CCDC124: variants seen among roughly 807,000 people sequenced by gnomAD.
The protein encoded by CCDC124 is coiled-coil domain-containing protein 124.
In CCDC124, 9 loss-of-function variants were observed where a neutral mutation model predicts 19.8. That is an observed-to-expected ratio of 0.45 (90% confidence interval 0.27 to 0.79). The LOEUF (loss-of-function observed/expected upper bound fraction) is 0.79. Among genes scored for constraint, CCDC124 ranks in the 30% least tolerant of loss-of-function variants. CCDC124 has a pLI of 0.14. For missense variants in CCDC124, 285 were observed against 319.0 expected (o/e 0.89, Z 0.81); for synonymous variants, 126 against 131.3 (o/e 0.96, Z 0.27).
chr19:17,937,538 G>A (rs996209214), intron 2 of CCDC124, among the ~76,000 whole-genome samples: 3 of 152,078 alleles, frequency 2.0e-5, no homozygotes, highest in Non-Finnish European at 2.9e-5. Flanking sequence ...GTCATAACTC[G>A]GGGAGAGGGG....
chr19:17,943,243 A>AGCCC lies in CCDC124; in HGVS notation c.350-18_350-17insGCCC. 1 of 430,552 alleles carries AGCCC rather than the reference A, an allele frequency of 2.3e-6. No homozygotes were observed. 26.7% of individuals were successfully genotyped at this position (430,552 alleles called of 1,614,324 possible). ...TTGCTTATCTCTCTCTGTCTCTGTC[A>AGCCC]CCCACCCACCCGCCCAGCCGAGAAA... On this transcript the variant is annotated splice_polypyrimidine_tract_variant and intron_variant, in intron 3 of 4. Transcript: ENST00000445755.
In CCDC124 at chr19:17,943,030, C is replaced by CG. The variant is rs373202380; in HGVS notation, c.349+189dup. ...AGACAACCTCAGGGCTTGTGCCCCG[C>CG]GGGGTCCTCTTGTTTGCAGGGCTGC... On this transcript the variant is annotated intron_variant, in intron 3 of 4. Coordinates refer to ENST00000445755, the MANE Select transcript of CCDC124 (RefSeq NM_001136203.2). Among the ~76,000 whole-genome samples, 452 of 152,220 alleles carry CG rather than the reference C, an allele frequency of 3.0e-3. 1 individual carries two copies. Among genetic ancestry groups the CG allele is most frequent in the African/African-American group, 0.011 (438 of 41,542 alleles).
At chr19:17,939,713 C>T (rs1447798536) in intron 2 of CCDC124, among the ~76,000 whole-genome samples, 2 of 151,942 alleles carry the variant, frequency 1.3e-5, no homozygotes, top group Non-Finnish European at 2.9e-5. Flanking sequence ...ACCTCTGCCT[C>T]CCAAGTTCAA....
At chr19:17,939,609 C>T (rs2031133443) in intron 2 of CCDC124, among the ~76,000 whole-genome samples, 1 of 151,852 alleles carries the variant, frequency 6.6e-6, no homozygotes, top group Admixed American at 6.6e-5. Flanking sequence ...CAGACTGGCA[C>T]CTTCTCCTTT....
chr19:17,941,204 C>T (rs970506988), intron 2 of CCDC124, among the ~76,000 whole-genome samples: 4 of 152,014 alleles, frequency 2.6e-5, no homozygotes, highest in African/African-American at 7.2e-5. Flanking sequence ...AGTGATACCT[C>T]TCCTCACTTC....
chr19:17,934,598 C>A (rs188821378), intron 1 of CCDC124, among the ~76,000 whole-genome samples: 1 of 143,258 alleles, frequency 7.0e-6, no homozygotes, highest in East Asian at 2.0e-4. Flanking sequence ...CCAGCCTGGG[C>A]AACATAGTCA....
At chr19:17,934,899 T>C (rs922690887) in intron 1 of CCDC124, among the ~76,000 whole-genome samples, 1 of 32,162 alleles carries the variant, frequency 3.1e-5, no homozygotes, top group African/African-American at 2.5e-4. Flanking sequence ...ATTGGTGCCT[T>C]GTTTCCTTGT....
intron 2 of CCDC124, among the ~76,000 whole-genome samples, chr19:17,940,890 A>C (rs530932186): frequency 7.8e-4 from 118 of 151,206 alleles, no homozygotes; most frequent in African/African-American, 2.7e-3. Flanking sequence ...TACTAAAAAT[A>C]CAAAAAATCA....
chr19:17,940,775 C>T (rs1217410362), intron 2 of CCDC124, among the ~76,000 whole-genome samples: 3 of 145,402 alleles, frequency 2.1e-5, no homozygotes, highest in Non-Finnish European at 4.5e-5. Flanking sequence ...GGGCCGGGCG[C>T]GGTAACTCAT....
chr19:17,938,556 G>C (rs1270215423), intron 2 of CCDC124, among the ~76,000 whole-genome samples: 1 of 152,068 alleles, frequency 6.6e-6, no homozygotes, highest in Admixed American at 6.6e-5. Flanking sequence ...CCAGTTCTTG[G>C]GGGGAATCTG....
At chr19:17,937,961 A>T (rs2031099886) in intron 2 of CCDC124, among the ~76,000 whole-genome samples, 1 of 152,132 alleles carries the variant, frequency 6.6e-6, no homozygotes, top group African/African-American at 2.4e-5. Context: ...TCGAACTCCC[A>T]ACCTCAGGTG....
intron 2 of CCDC124, among the ~76,000 whole-genome samples, chr19:17,939,628 G>T (rs2031133963): frequency 6.6e-6 from 1 of 151,074 alleles, no homozygotes; most frequent in Non-Finnish European, 1.5e-5. Context: ...TTGTTAAGAG[G>T]CTTTTTTTTT....
chr19:17,934,083 A>G (rs1426158953), intron 1 of CCDC124, among the ~76,000 whole-genome samples: 1 of 151,940 alleles, frequency 6.6e-6, no homozygotes, highest in Non-Finnish European at 1.5e-5. Flanking sequence ...AGGCACTTTG[A>G]GAGGCCGAGG....
At chr19:17,934,807 T>C (rs998553579) in intron 1 of CCDC124, among the ~76,000 whole-genome samples, 1 of 152,012 alleles carries the variant, frequency 6.6e-6, no homozygotes, top group Non-Finnish European at 1.5e-5. Context: ...AAATGTACTC[T>C]CACACTGTGT....
In CCDC124 at chr19:17,943,897, A is replaced by G; in HGVS notation, c.*182A>G. 2 of 620,636 alleles carry G rather than the reference A, an allele frequency of 3.2e-6. No homozygotes were observed. Among genetic ancestry groups the G allele is most frequent in the Non-Finnish European group, 5.6e-6 (2 of 354,428 alleles). 38.4% of individuals were successfully genotyped at this position (620,636 alleles called of 1,614,324 possible). A position where few individuals can be genotyped will look rare whatever the true frequency, so the allele number is the denominator to read the frequency against. On this transcript the variant is annotated 3_prime_UTR_variant, in exon 5 of 5. Transcript: ENST00000445755. ...CCAGAGGGTCCCTGCCCCGAGTGAC[A>G]CCCCATCCCCTCCCATCCCCCGGCG...
At chr19:17,933,779 C>A (rs1379545540) in intron 1 of CCDC124, among the ~76,000 whole-genome samples, 1 of 152,206 alleles carries the variant, frequency 6.6e-6, no homozygotes, top group Non-Finnish European at 1.5e-5. Context: ...GAAGCCCTCT[C>A]CGGGCTTCCC....
chr19:17,933,270 G>A (rs982402650), intron 1 of CCDC124, among the ~76,000 whole-genome samples: 2 of 152,208 alleles, frequency 1.3e-5, no homozygotes, highest in Non-Finnish European at 2.9e-5. Context: ...AGGCCACCTG[G>A]CCCCGGACTG....
Position 17,942,475 on chromosome 19 carries a change from CCT to C in CCDC124, c.160-180_160-179del, listed in dbSNP as rs1323354638. On this transcript the variant is annotated intron_variant, in intron 2 of 4. Coordinates refer to ENST00000445755, the MANE Select transcript of CCDC124 (RefSeq NM_001136203.2). This position sits in a 1 kb window ranked among gnomAD's most constrained non-coding sequence, Gnocchi z 4.2. ...ACCCACCCGCCCTGTCCAAGGTTCCCCTGTTGGCCTCACATCCCCCGCCCAGG... is the reference window on the plus strand; with the variant it reads ...ACCCACCCGCCCTGTCCAAGGTTCCCGTTGGCCTCACATCCCCCGCCCAGG... Among the ~76,000 whole-genome samples the C allele has an allele frequency of 6.6e-6, 1 of 152,134 alleles. No individual in the cohort carries two copies.
intron 2 of CCDC124, among the ~76,000 whole-genome samples, chr19:17,938,378 C>T (rs1306713211): frequency 6.6e-6 from 1 of 152,128 alleles, no homozygotes; most frequent in African/African-American, 2.4e-5. Flanking sequence ...CACCATGCTT[C>T]ATTGGTGTCT....
Sources: allele counts gnomAD v4.1 joint callset (sites outside exome capture counted in the v4.1 genomes callset), GRCh38; gene constraint gnomAD v4.1.1; non-coding constraint Gnocchi (gnomAD v3.1); transcripts MANE v1.5; gene names NCBI Gene and HGNC (gene_info 2026-07-23, HGNC 2026-07-21).